Variants in MED27 observed in about 807,000 individuals in gnomAD.
MED27 encodes mediator complex subunit 27, also known as mediator of RNA polymerase II transcription subunit 27.
A neutral mutation model predicts 38.2 loss-of-function variants in MED27; 30 were observed. The observed-to-expected ratio is 0.79, with a 90% CI of 0.59 to 1.07. The LOEUF is 1.07. MED27 is among the 50% of genes least tolerant of loss of function. The pLI is 0.00. For missense variants in MED27, 289 were observed against 397.5 expected, an observed-to-expected ratio of 0.73 and a Z score of 2.32; for synonymous variants, 122 against 153.5, an observed-to-expected ratio of 0.79 and a Z score of 1.52.
chr9:131,918,953 C>G (rs1830341440), intron 4 of MED27, among the ~76,000 whole-genome samples: 1 of 152,158 alleles, frequency 6.6e-6, no homozygotes, highest in African/African-American at 2.4e-5. Flanking sequence ...GTCACAGACC[C>G]TCTCCCTCAG....
At chr9:132,037,318 T>C (rs1173488847) in intron 2 of MED27, among the ~76,000 whole-genome samples, 1 of 152,236 alleles carries the variant, frequency 6.6e-6, no homozygotes, top group African/African-American at 2.4e-5. Context: ...AACAACTTTC[T>C]GATTTAATGC....
intron 3 of MED27, among the ~76,000 whole-genome samples, chr9:131,962,681 A>G (rs1052134470): frequency 3.7e-4 from 57 of 152,230 alleles, no homozygotes; most frequent in Admixed American, 2.3e-3. Flanking sequence ...TCAAACACAG[A>G]TTCAAGAAAT....
intron 3 of MED27, among the ~76,000 whole-genome samples, chr9:131,965,321 A>T (rs1438342358): frequency 6.6e-6 from 1 of 152,210 alleles, no homozygotes; most frequent in Non-Finnish European, 1.5e-5. Context: ...CCATGGCATT[A>T]AGTGCCTGAC....
chr9:131,870,627 C>G (rs554416456), intron 6 of MED27, among the ~76,000 whole-genome samples: 59 of 152,266 alleles, frequency 3.9e-4, no homozygotes, highest in African/African-American at 1.3e-3. Flanking sequence ...ATGGGCCCCC[C>G]ACTCCAGGCC....
At chr9:131,987,403 C>T (rs768510287) in intron 3 of MED27, among the ~76,000 whole-genome samples, 2 of 152,026 alleles carry the variant, frequency 1.3e-5, no homozygotes, top group Admixed American at 6.6e-5. Context: ...AGTAGCAAAG[C>T]GGAGTCATTT....
intron 3 of MED27, among the ~76,000 whole-genome samples, chr9:131,989,919 GC>G (rs1564314519): frequency 6.6e-6 from 1 of 152,172 alleles, no homozygotes; most frequent in Non-Finnish European, 1.5e-5. Context: ...GGCCAGCAGA[GC>G]CTTGCTCAAA....
At chr9:131,992,737 A>C (rs972749329) in intron 3 of MED27, among the ~76,000 whole-genome samples, 2 of 152,148 alleles carry the variant, frequency 1.3e-5, no homozygotes, top group African/African-American at 2.4e-5. Flanking sequence ...ACATATTCAT[A>C]CAAAAGATAA....
intron 4 of MED27, among the ~76,000 whole-genome samples, chr9:131,926,363 C>G (rs1830484060): frequency 6.6e-6 from 1 of 152,202 alleles, no homozygotes; most frequent in African/African-American, 2.4e-5. Context: ...CATCAGAACT[C>G]CAAGGGCACA....
At position 131,887,804 on chromosome 9, in the gene MED27, A is replaced by G. The variant is rs1293148656; in HGVS notation, c.682-3705T>C. 2.0e-5 allele frequency among the ~76,000 whole-genome samples: 3 copies of G among 152,368 alleles called. 1 individual carries two copies. In the East Asian group the frequency reaches 5.8e-4, roughly 29 times the overall value. ...AGTATTCTGAGCAAGCATAAGAAAGATCTGAAAACACAAAAGTCAACCTTG... is the reference window on the plus strand; with the variant it reads ...AGTATTCTGAGCAAGCATAAGAAAGGTCTGAAAACACAAAAGTCAACCTTG... On this transcript the variant is annotated intron_variant, in intron 5 of 7. Transcript: ENST00000292035.
intron 2 of MED27, among the ~76,000 whole-genome samples, chr9:132,039,826 A>C (rs1833168682): frequency 1.3e-5 from 2 of 152,060 alleles, no homozygotes; most frequent in South Asian, 4.1e-4. Context: ...TGCCTCTAGG[A>C]GTTTCACTGG....
At chr9:131,988,105 T>C (rs941691061) in intron 3 of MED27, among the ~76,000 whole-genome samples, 1 of 152,254 alleles carries the variant, frequency 6.6e-6, no homozygotes, top group Non-Finnish European at 1.5e-5. Context: ...AATCATGGTA[T>C]TAAAAACCTA....
At chr9:131,989,015 T>C (rs530906250) in intron 3 of MED27, among the ~76,000 whole-genome samples, 2 of 152,302 alleles carry the variant, frequency 1.3e-5, no homozygotes, top group Non-Finnish European at 2.9e-5. Context: ...ACTGCCATGG[T>C]GGCTTGCTGC....
chr9:132,075,257 T>C (rs1291345634), intron 2 of MED27, among the ~76,000 whole-genome samples: 1 of 152,196 alleles, frequency 6.6e-6, no homozygotes, highest in African/African-American at 2.4e-5. Context: ...CTGGTCTAGC[T>C]TGGGGAGCTA....
chr9:132,017,918 C>A (rs1295535648), intron 2 of MED27, among the ~76,000 whole-genome samples: 1 of 152,152 alleles, frequency 6.6e-6, no homozygotes, highest in Non-Finnish European at 1.5e-5. Flanking sequence ...TCTACTGAAT[C>A]GTTTTTAAAA....
At chr9:131,908,160 C>T (rs1420467527) in intron 4 of MED27, among the ~76,000 whole-genome samples, 1 of 146,952 alleles carries the variant, frequency 6.8e-6, no homozygotes, top group Non-Finnish European at 1.5e-5. Context: ...CCAGCCGCCC[C>T]GTCCAGGAGG....
intron 2 of MED27, among the ~76,000 whole-genome samples, chr9:132,066,394 G>T (rs894661053): frequency 1.3e-5 from 2 of 152,230 alleles, no homozygotes; most frequent in South Asian, 2.1e-4. Context: ...GATGAGGCTG[G>T]AGGAGACTTC....
Position 131,913,812 on chromosome 9 carries a change from C to T in MED27, c.574-19820G>A, listed in dbSNP as rs574039485. 1.6e-4 allele frequency among the ~76,000 whole-genome samples: 25 copies of T among 152,280 alleles called. No individual in the cohort carries two copies. The South Asian group carries it at 4.1e-3, about 25-fold the overall frequency. ...CGAAACTGACACTTCTAACAAGCAC[C>T]GAGGGCGGTCCAATGATTCCCTGAG... On this transcript the variant is annotated intron_variant, in intron 4 of 7. Coordinates refer to ENST00000292035, the MANE Select transcript of MED27 (RefSeq NM_004269.4). The surrounding 1 kb of genome is among the most constrained non-coding windows in gnomAD (Gnocchi z 4.5).
intron 4 of MED27, among the ~76,000 whole-genome samples, chr9:131,910,296 G>A (rs550433180): frequency 1.4e-4 from 21 of 152,024 alleles, no homozygotes; most frequent in Admixed American, 3.9e-4. Flanking sequence ...TATTATTACT[G>A]GATTCTTCCA....
chr9:131,882,468 T>C (rs1319605004), intron 6 of MED27, among the ~76,000 whole-genome samples: 1 of 152,220 alleles, frequency 6.6e-6, no homozygotes, highest in Non-Finnish European at 1.5e-5. Flanking sequence ...GAATTTCACC[T>C]TGATCTACAA....
Sources: allele counts gnomAD v4.1 joint callset (sites outside exome capture counted in the v4.1 genomes callset), GRCh38; gene constraint gnomAD v4.1.1; non-coding constraint Gnocchi (gnomAD v3.1); transcripts MANE v1.5; gene names NCBI Gene and HGNC (gene_info 2026-07-23, HGNC 2026-07-21).